NRG3: variants seen among roughly 807,000 people sequenced by gnomAD.
The protein encoded by NRG3 is pro-neuregulin-3, membrane-bound isoform.
NRG3 carries 31 observed loss-of-function variants against 66.9 expected under a neutral mutation model. The ratio of observed to expected loss-of-function variants is 0.46; its 90% CI spans 0.35 to 0.63. The LOEUF (loss-of-function observed/expected upper bound fraction) is 0.63, where lower values mean the gene tolerates loss of function less well. Ranked by LOEUF, NRG3 falls within the 20% of genes least tolerant of loss-of-function variation. The pLI is 0.00. For synonymous variants in NRG3, 393 were observed against 359.4 expected (o/e 1.09, Z -1.06); for missense variants, 910 against 878.9 (o/e 1.04, Z -0.45).
chr10:82,257,403 T>C (rs1319097108), intron 1 of NRG3, among the ~76,000 whole-genome samples: 2 of 152,136 alleles, frequency 1.3e-5, no homozygotes, highest in African/African-American at 2.4e-5. Context: ...AATAAAGAGA[T>C]ACATTGAAAA....
intron 2 of NRG3, among the ~76,000 whole-genome samples, chr10:82,515,334 GT>G (rs1845555914): frequency 6.6e-6 from 1 of 152,118 alleles, no homozygotes; most frequent in Non-Finnish European, 1.5e-5. Flanking sequence ...GTAATTTACT[GT>G]TTTTGTTTTA....
intron 1 of NRG3, among the ~76,000 whole-genome samples, chr10:82,111,231 C>G (rs1465196128): frequency 1.3e-5 from 2 of 152,158 alleles, no homozygotes; most frequent in African/African-American, 4.8e-5. Flanking sequence ...GAATTATCTT[C>G]TTGAACATCT....
chr10:82,643,635 T>G (rs1276364284), intron 2 of NRG3, among the ~76,000 whole-genome samples: 1 of 152,118 alleles, frequency 6.6e-6, no homozygotes, highest in Non-Finnish European at 1.5e-5. Context: ...ATTTTTGTAT[T>G]CCAATTTTAT....
intron 1 of NRG3, among the ~76,000 whole-genome samples, chr10:82,209,137 T>A (rs1486744057): frequency 6.6e-6 from 1 of 152,188 alleles, no homozygotes; most frequent in Non-Finnish European, 1.5e-5. Flanking sequence ...AAGTTGAACA[T>A]TGTAGCATCA....
intron 1 of NRG3, among the ~76,000 whole-genome samples, chr10:82,099,420 AC>A (rs1590106939): frequency 6.6e-6 from 1 of 152,168 alleles, no homozygotes; most frequent in African/African-American, 2.4e-5. Context: ...ATTTATCAAC[AC>A]TTTTTCCAAT....
At chr10:82,459,161 T>C (rs1250271653) in intron 2 of NRG3, among the ~76,000 whole-genome samples, 1 of 152,188 alleles carries the variant, frequency 6.6e-6, no homozygotes, top group Admixed American at 6.5e-5. Context: ...CTTGGCATGC[T>C]CTATTACCTG....
intron 4 of NRG3, among the ~76,000 whole-genome samples, chr10:82,922,823 C>A (rs1846583386): frequency 6.6e-6 from 1 of 152,158 alleles, no homozygotes. Flanking sequence ...TATCATCCTC[C>A]TTCCATATTG....
intron 2 of NRG3, among the ~76,000 whole-genome samples, chr10:82,376,352 G>T (rs530179017): frequency 2.0e-5 from 3 of 152,324 alleles, no homozygotes; most frequent in African/African-American, 4.8e-5. Flanking sequence ...GGTAGCCCTG[G>T]TTGAGAATCC....
rs549926011 is a variant in NRG3, at chr10:82,344,513, G to A, written c.824-14226G>A. On this transcript the variant is annotated intron_variant, in intron 1 of 8. Coordinates refer to ENST00000372141, the MANE Select transcript of NRG3 (RefSeq NM_001010848.4). ...AGTCTTTGCTATTGTGAATAATGCC[G>A]CAATAAACATACGTATGCATGTGTC... Among the ~76,000 whole-genome samples, 598 of 146,694 alleles carry A rather than the reference G, an allele frequency of 4.1e-3. 18 individuals carry two copies. The highest frequency in any genetic ancestry group is 0.014 in the African/African-American group (528 of 36,760).
chr10:81,880,184 CA>C (rs905538222), intron 1 of NRG3, among the ~76,000 whole-genome samples: 28 of 152,044 alleles, frequency 1.8e-4, no homozygotes, highest in African/African-American at 6.5e-4. Context: ...AAAAAGAGGG[CA>C]GGGGTGGGTG....
intron 2 of NRG3, among the ~76,000 whole-genome samples, chr10:82,526,973 A>T (rs1846762960): frequency 6.6e-6 from 1 of 152,096 alleles, no homozygotes; most frequent in Non-Finnish European, 1.5e-5. Flanking sequence ...ATATCTATTG[A>T]TAGTATGTTT....
intron 2 of NRG3, among the ~76,000 whole-genome samples, chr10:82,587,655 T>A (rs932681697): frequency 2.6e-5 from 4 of 152,166 alleles, no homozygotes; most frequent in Non-Finnish European, 4.4e-5. Flanking sequence ...CTAGCTTCTG[T>A]GTGTTGTTTC....
At chr10:82,294,473 G>A (rs1341035486) in intron 1 of NRG3, among the ~76,000 whole-genome samples, 2 of 151,750 alleles carry the variant, frequency 1.3e-5, no homozygotes, top group African/African-American at 2.4e-5. Flanking sequence ...GTATGTGTGT[G>A]TTTGAAAGTT....
At chr10:82,023,855 G>A (rs925836200) in intron 1 of NRG3, among the ~76,000 whole-genome samples, 1 of 151,992 alleles carries the variant, frequency 6.6e-6, no homozygotes, top group Admixed American at 6.6e-5. Context: ...TCAGGGTAAT[G>A]ATGGGCCCAT....
intron 1 of NRG3, among the ~76,000 whole-genome samples, chr10:81,992,805 T>G (rs1392099520): frequency 6.6e-6 from 1 of 152,072 alleles, no homozygotes; most frequent in African/African-American, 2.4e-5. Flanking sequence ...TGATAGCAAC[T>G]CCTATTGAGT....
intron 3 of NRG3, among the ~76,000 whole-genome samples, chr10:82,835,351 T>C (rs764915824): frequency 6.6e-6 from 1 of 152,216 alleles, no homozygotes; most frequent in Non-Finnish European, 1.5e-5. Flanking sequence ...AGATTCACCA[T>C]ATTCACATTT....
At chr10:82,175,582 G>T (rs1243449748) in intron 1 of NRG3, among the ~76,000 whole-genome samples, 1 of 152,136 alleles carries the variant, frequency 6.6e-6, no homozygotes, top group East Asian at 1.9e-4. Flanking sequence ...AGTTCTGAAG[G>T]CATCCACAAT....
At chr10:82,232,615 G>A (rs2076538698) in intron 1 of NRG3, 1 of 604,040 alleles carries the variant, frequency 1.7e-6, no homozygotes, top group Non-Finnish European at 3.0e-6. Context: ...CTCTTTTGCT[G>A]CATCTATAAA....
At chr10:82,660,644 A>G (rs756064783) in intron 2 of NRG3, among the ~76,000 whole-genome samples, 20 of 152,206 alleles carry the variant, frequency 1.3e-4, no homozygotes, top group East Asian at 1.9e-4. Flanking sequence ...TAAATTTTAC[A>G]TGGAACCGTA....
Sources: gnomAD v4.1 joint callset for allele counts (sites outside exome capture counted in the v4.1 genomes callset) on GRCh38, gnomAD v4.1.1 for gene constraint, MANE v1.5 for transcripts, NCBI Gene and HGNC (gene_info 2026-07-23, HGNC 2026-07-21) for gene names.